Variants in ACKR2 observed in about 807,000 individuals in gnomAD.
ACKR2 encodes the protein atypical chemokine receptor 2.
For missense variants in ACKR2, 457 were observed against 477.3 expected (o/e 0.96, Z 0.40); for synonymous variants, 207 against 192.2 (o/e 1.08, Z -0.64).
At chr3:42,813,139 G>A (rs1700713154) in intron 1 of ACKR2, among the ~76,000 whole-genome samples, 1 of 152,082 alleles carries the variant, frequency 6.6e-6, no homozygotes, top group South Asian at 2.1e-4. Context: ...GGGCCTTTGG[G>A]ACAAAATATG....
chr3:42,814,520 A>G (rs927305270), intron 1 of ACKR2, among the ~76,000 whole-genome samples: 22 of 152,224 alleles, frequency 1.4e-4, no homozygotes, highest in Admixed American at 1.4e-3. Flanking sequence ...CTGAGGCCCA[A>G]CTAAAAGCTA....
At chr3:42,845,596 T>G (rs1043072861) in intron 2 of ACKR2, among the ~76,000 whole-genome samples, 2 of 152,078 alleles carry the variant, frequency 1.3e-5, no homozygotes, top group African/African-American at 4.8e-5. Context: ...ACTCCTGACC[T>G]CAGGTGATCC....
chr3:42,827,818 A>G (rs1379518922), intron 2 of ACKR2, among the ~76,000 whole-genome samples: 2 of 152,140 alleles, frequency 1.3e-5, no homozygotes, highest in African/African-American at 4.8e-5. Context: ...ATTTCTAGTC[A>G]TCATCCAGCC....
At chr3:42,815,409 GC>G (rs555320493) in intron 1 of ACKR2, among the ~76,000 whole-genome samples, 1 of 152,162 alleles carries the variant, frequency 6.6e-6, no homozygotes, top group Admixed American at 6.5e-5. Context: ...TTGGCTAGGG[GC>G]CAGGCCATCA....
chr3:42,845,858 AAAAAAAAGAAAAAAG>A (rs1436807964), intron 2 of ACKR2, among the ~76,000 whole-genome samples: 5 of 151,574 alleles, frequency 3.3e-5, no homozygotes, highest in Non-Finnish European at 5.9e-5. Context: ...CAAAAAAAAA[AAAAAAAAGAAAAAAG>A]AAAAAAAGAA....
At chr3:42,845,007 T>C (rs1264327752) in intron 2 of ACKR2, among the ~76,000 whole-genome samples, 25 of 152,134 alleles carry the variant, frequency 1.6e-4, no homozygotes, top group Non-Finnish European at 7.4e-5. Context: ...TGGCAGCCCA[T>C]TGAAGACTTC....
At chr3:42,849,083 G>A (rs1701126081) in intron 2 of ACKR2, among the ~76,000 whole-genome samples, 2 of 152,224 alleles carry the variant, frequency 1.3e-5, no homozygotes, top group Admixed American at 1.3e-4. Flanking sequence ...CCAGAGAAAG[G>A]ACATTAGTGG....
At position 42,865,556 on chromosome 3, in the gene ACKR2, A is replaced by C. The variant is rs762166073; in HGVS notation, c.1054A>C (p.Ile352Leu). Residue 352 changes from isoleucine (I) to leucine (L), a missense_variant, in exon 3 of 3, where the codon ATA becomes CTA. Coordinates refer to ENST00000422265, the MANE Select transcript of ACKR2 (RefSeq NM_001296.5). ...ASLSSCSESS[I>L]LTAQEEMTGM... ...ATTATCCAGCTGTTCTGAGAGCAGCATACTTACTGCCCAAGAGGAAATGAC... is the reference window on the plus strand; with the variant it reads ...ATTATCCAGCTGTTCTGAGAGCAGCCTACTTACTGCCCAAGAGGAAATGAC... 1 of 1,614,172 alleles carries C rather than the reference A, an allele frequency of 6.2e-7. No individual in the cohort carries two copies. Among genetic ancestry groups the C allele is most frequent in the South Asian group, 1.1e-5 (1 of 91,082 alleles).
chr3:42,860,915 G>T (rs1476136394), intron 2 of ACKR2, among the ~76,000 whole-genome samples: 1 of 152,186 alleles, frequency 6.6e-6, no homozygotes, highest in Non-Finnish European at 1.5e-5. Context: ...AAGCAGGAAA[G>T]ATTTAAAATC....
At chr3:42,812,396 A>AT (rs1186540143) in intron 1 of ACKR2, among the ~76,000 whole-genome samples, 1 of 152,130 alleles carries the variant, frequency 6.6e-6, no homozygotes. Context: ...TGCATTCTAA[A>AT]TTTTTTTCTG....
At chr3:42,831,085 G>A (rs947052942) in intron 2 of ACKR2, among the ~76,000 whole-genome samples, 10 of 152,118 alleles carry the variant, frequency 6.6e-5, no homozygotes, top group South Asian at 2.1e-4. Flanking sequence ...AACTCTCATC[G>A]TGGCCAGATG....
At chr3:42,856,523 C>T in intron 2 of ACKR2, 1 of 642,682 alleles carries the variant, frequency 1.6e-6, no homozygotes. Flanking sequence ...AAAATGTTTG[C>T]AATACATATG....
chr3:42,811,715 G>A (rs1700697007), intron 1 of ACKR2, among the ~76,000 whole-genome samples: 1 of 152,184 alleles, frequency 6.6e-6, no homozygotes, highest in African/African-American at 2.4e-5. Context: ...GAATGTCTCG[G>A]TGTAAAACCC....
chr3:42,859,633 G>A (rs780141407), intron 2 of ACKR2, among the ~76,000 whole-genome samples: 1 of 151,956 alleles, frequency 6.6e-6, no homozygotes, highest in Non-Finnish European at 1.5e-5. Flanking sequence ...TGCTCACCTC[G>A]GCCTCCCAAA....
chr3:42,855,454 A>T (rs1430368659), intron 2 of ACKR2, among the ~76,000 whole-genome samples: 1 of 152,214 alleles, frequency 6.6e-6, no homozygotes, highest in Non-Finnish European at 1.5e-5. Context: ...GGCATTATTG[A>T]TGAAAGTGAT....
chr3:42,826,713 A>T (rs1239041692), intron 2 of ACKR2, among the ~76,000 whole-genome samples: 11 of 151,130 alleles, frequency 7.3e-5, no homozygotes, highest in Admixed American at 2.0e-4. Context: ...TCTCTATTGT[A>T]TTCATATTCT....
chr3:42,865,010 G>A lies in ACKR2; in HGVS notation c.508G>A (p.Ala170Thr). ...CCTGCTCCTTGCTACCATAGTATGG[G>A]CTGTGTCCCTGGCCGTCTCCATCCC... ...KSLLLATIVW[A>T]VSLAVSIPDM... is the part of the protein sequence containing the mutation. Residue 170 changes from alanine (A) to threonine (T), a missense_variant, in exon 3 of 3, where the codon GCT becomes ACT. Physicochemically the swap from Ala to Thr is moderately conservative, Grantham distance 58 (BLOSUM62 0). Coordinates refer to ENST00000422265, the MANE Select transcript of ACKR2 (RefSeq NM_001296.5). The A allele has an allele frequency of 6.2e-7, 1 of 1,614,096 alleles. No homozygotes were observed. Among genetic ancestry groups the A allele is most frequent in the Non-Finnish European group, 8.5e-7 (1 of 1,180,040 alleles).
chr3:42,812,303 A>G (rs910592166), intron 1 of ACKR2, among the ~76,000 whole-genome samples: 23 of 152,322 alleles, frequency 1.5e-4, no homozygotes, highest in African/African-American at 5.3e-4. Context: ...GATGGATACA[A>G]TTTATTTCCT....
chr3:42,831,054 G>A (rs1327901277), intron 2 of ACKR2, among the ~76,000 whole-genome samples: 1 of 152,002 alleles, frequency 6.6e-6, no homozygotes, highest in Non-Finnish European at 1.5e-5. Flanking sequence ...AAAAAGAGAA[G>A]AAAAGAAAAA....
Sources: allele counts gnomAD v4.1 joint callset (sites outside exome capture counted in the v4.1 genomes callset), GRCh38; gene constraint gnomAD v4.1.1; transcripts MANE v1.5; gene names NCBI Gene and HGNC (gene_info 2026-07-23, HGNC 2026-07-21).